Variants in POLK observed in about 807,000 individuals in gnomAD.
POLK encodes DNA polymerase kappa, also known as polymerase (DNA directed) kappa.
In POLK, 76 loss-of-function variants were observed where a neutral mutation model predicts 94.0. The observed-to-expected ratio is 0.81, with a 90% CI of 0.67 to 0.98. The LOEUF (loss-of-function observed/expected upper bound fraction) is 0.98. Among genes scored for constraint, POLK ranks in the 50% least tolerant of loss-of-function variants. The probability of loss-of-function intolerance (pLI) is 0.00; values close to 1 mark genes in which losing one functional copy is unlikely to be tolerated. For synonymous variants in POLK, 349 were observed against 325.4 expected, an observed-to-expected ratio of 1.07 and a Z score of -0.78; for missense variants, 954 against 1,010.1, an observed-to-expected ratio of 0.94 and a Z score of 0.75.
intron 1 of POLK, among the ~76,000 whole-genome samples, chr5:75,529,136 C>T (rs1481254174): frequency 3.3e-5 from 5 of 152,088 alleles, no homozygotes; most frequent in Non-Finnish European, 7.3e-5. Context: ...TATTTTGACT[C>T]ATGGTTCTGC....
rs745590979 is a variant in POLK at position 75,583,281 on chromosome 5, T to A, written c.935-12T>A. The A allele has an allele frequency of 6.3e-6, 10 of 1,576,280 alleles. No individual in the cohort carries two copies. In the African/African-American group the frequency reaches 1.4e-4, roughly 21 times the overall value. On this transcript the variant is annotated splice_polypyrimidine_tract_variant and intron_variant, in intron 7 of 14. Coordinates refer to ENST00000241436, the Ensembl canonical transcript of POLK. ...CAACTTCTTTGAGTCATCAGAGTAT[T>A]CTTCTTTTAAGGCATTGCCCCAAAT...
chr5:75,572,026 A>C (rs2112774973), intron 4 of POLK, among the ~76,000 whole-genome samples: 1 of 152,364 alleles, frequency 6.6e-6, no homozygotes, highest in Non-Finnish European at 1.5e-5. Flanking sequence ...GTGCCATTTG[A>C]AAATCATTAG....
At chr5:75,571,760 G>A (rs1771611754) in intron 4 of POLK, among the ~76,000 whole-genome samples, 2 of 152,160 alleles carry the variant, frequency 1.3e-5, no homozygotes, top group South Asian at 2.1e-4. Context: ...GTGGCATGAG[G>A]AACTAGAACC....
intron 6 of POLK, chr5:75,580,503 A>G (rs1241642043): frequency 3.3e-6 from 1 of 307,638 alleles, no homozygotes; most frequent in East Asian, 1.7e-4. Flanking sequence ...ATAATAGTTT[A>G]TAGCCTATTA....
chr5:75,598,759 C>T (rs1419572424), exon 15 of POLK: 1 of 152,080 alleles, frequency 6.6e-6, no homozygotes, highest in Non-Finnish European at 1.5e-5. Context: ...ATTGTACCAT[C>T]ATTTTATTAT....
intron 3 of POLK, among the ~76,000 whole-genome samples, chr5:75,555,678 G>C (rs1328494506): frequency 6.6e-6 from 1 of 151,934 alleles, no homozygotes; most frequent in Non-Finnish European, 1.5e-5. Context: ...CTCCCGAGTA[G>C]CTGGGATAAC....
At chr5:75,596,016 A>T (rs1016291421) in intron 12 of POLK, among the ~76,000 whole-genome samples, 3 of 152,250 alleles carry the variant, frequency 2.0e-5, no homozygotes, top group Admixed American at 2.0e-4. Flanking sequence ...ACATCATTAT[A>T]CTAACTCCAA....
chr5:75,552,353 G>A, intron 2 of POLK, 119 bp from the exon 3 acceptor site: 1 of 861,038 alleles, frequency 1.2e-6, no homozygotes, highest in Non-Finnish European at 1.8e-6. Context: ...AAGTAGTAGA[G>A]CTAAGTTTTA....
chr5:75,580,708 T>C (rs1772149022), intron 6 of POLK: 1 of 166,088 alleles, frequency 6.0e-6, no homozygotes, highest in African/African-American at 2.4e-5. Flanking sequence ...TATTTTAACA[T>C]CTAAAAGGTT....
intron 3 of POLK, among the ~76,000 whole-genome samples, chr5:75,565,591 T>C (rs1771224702): frequency 6.6e-6 from 1 of 152,236 alleles, no homozygotes; most frequent in South Asian, 2.1e-4. Flanking sequence ...TTTGTTGATG[T>C]TGATGCTGTT....
Position 75,524,791 on chromosome 5 carries a change from CATT to C in POLK, c.-14+12881_-14+12883del, listed in dbSNP as rs1768752386. Among the ~76,000 whole-genome samples the C allele has an allele frequency of 7.9e-5, 12 of 152,274 alleles. No homozygotes were observed. In the South Asian group the frequency reaches 2.3e-3, roughly 29 times the overall value. ...ACTAATGTTCCAGTACAAAACCCCC[CATT>C]ATTCTGTCCAAAAGAACCAGGGGAA... On this transcript the variant is annotated intron_variant, in intron 1 of 14. Coordinates refer to ENST00000241436, the Ensembl canonical transcript of POLK.
At chr5:75,559,249 A>C in intron 3 of POLK, among the ~76,000 whole-genome samples, 1 of 152,182 alleles carries the variant, frequency 6.6e-6, no homozygotes, top group Non-Finnish European at 1.5e-5. Flanking sequence ...AGTATGAACT[A>C]TTGCTAGTCG....
At chr5:75,587,694 G>T (rs541171474) in intron 10 of POLK, among the ~76,000 whole-genome samples, 2 of 152,124 alleles carry the variant, frequency 1.3e-5, no homozygotes, top group Non-Finnish European at 2.9e-5. Flanking sequence ...GCTGAGGTGG[G>T]CAGATCACTT....
the POLK span, among the ~76,000 whole-genome samples, chr5:75,606,383 C>T: frequency 6.8e-5 from 2 of 29,432 alleles, no homozygotes; most frequent in African/African-American, 2.9e-4. Context: ...AGACCCTTTA[C>T]GGGTGTCGGG....
downstream of POLK, among the ~76,000 whole-genome samples, chr5:75,603,170 C>A (rs1310981012): frequency 1.3e-5 from 2 of 152,114 alleles, no homozygotes; most frequent in Non-Finnish European, 2.9e-5. Flanking sequence ...TTTACTACTC[C>A]TTACTTTTTA....
At chr5:75,513,763 C>T (rs983410849) in intron 1 of POLK, among the ~76,000 whole-genome samples, 6 of 152,144 alleles carry the variant, frequency 3.9e-5, no homozygotes, top group Admixed American at 1.3e-4. Flanking sequence ...CTAAAAAGCA[C>T]ACAGTACGGT....
intron 3 of POLK, among the ~76,000 whole-genome samples, chr5:75,559,029 A>C (rs1561370631): frequency 6.6e-6 from 1 of 152,206 alleles, no homozygotes; most frequent in Non-Finnish European, 1.5e-5. Context: ...CTTTTGCAAC[A>C]GGAATGGCAG....
At chr5:75,536,906 G>A (rs1407397885) in intron 1 of POLK, among the ~76,000 whole-genome samples, 1 of 152,162 alleles carries the variant, frequency 6.6e-6, no homozygotes, top group African/African-American at 2.4e-5. Context: ...CATGTAGTTT[G>A]CTGTCCCAGC....
downstream of POLK, among the ~76,000 whole-genome samples, chr5:75,603,564 A>G (rs867253123): frequency 1.3e-5 from 2 of 152,250 alleles, no homozygotes; most frequent in Middle Eastern, 6.8e-3. Flanking sequence ...ACAGATTTCA[A>G]GTTATGTGAT....
Sources: gnomAD v4.1 joint callset for allele counts (sites outside exome capture counted in the v4.1 genomes callset) on GRCh38, gnomAD v4.1.1 for gene constraint, MANE v1.5 for transcripts, NCBI Gene and HGNC (gene_info 2026-07-23, HGNC 2026-07-21) for gene names.